HK2: variants seen among roughly 807,000 people sequenced by gnomAD.
HK2 encodes hexokinase-2.
A neutral mutation model predicts 92.9 loss-of-function variants in HK2; 42 were observed. The ratio of observed to expected loss-of-function variants is 0.45; its 90% CI spans 0.35 to 0.58. The LOEUF (loss-of-function observed/expected upper bound fraction) is 0.58. Among genes scored for constraint, HK2 ranks in the 20% least tolerant of loss-of-function variants. HK2 has a pLI of 0.00. For synonymous variants in HK2, 422 were observed against 468.0 expected (o/e 0.90, Z 1.27); for missense variants, 978 against 1,245.1 (o/e 0.79, Z 3.23).
At chr2:74,864,272 G>A (rs1436445928) in intron 2 of HK2, among the ~76,000 whole-genome samples, 2 of 152,176 alleles carry the variant, frequency 1.3e-5, no homozygotes, top group African/African-American at 2.4e-5. Flanking sequence ...TTTGCTGTGC[G>A]TTTATAGCCA....
rs550495652 is a variant in HK2, at chr2:74,862,809, G to T, written c.227-4827G>T. Among the ~76,000 whole-genome samples the T allele has an allele frequency of 7.7e-4, 118 of 152,342 alleles. 1 individual carries two copies. The highest frequency in any genetic ancestry group is 2.6e-3 in the African/African-American group (109 of 41,572). Reference sequence around the variant, plus strand: ...TGCACTGAATCTTGACAAGGTGCGTGTGTGTATGTGTGCGTGTATATGTGT... The same window carrying T: ...TGCACTGAATCTTGACAAGGTGCGTTTGTGTATGTGTGCGTGTATATGTGT... On this transcript the variant is annotated intron_variant, in intron 2 of 17. Coordinates refer to ENST00000290573, the MANE Select transcript of HK2 (RefSeq NM_000189.5).
intron 1 of HK2, among the ~76,000 whole-genome samples, chr2:74,840,904 A>AAAAAAG (rs869156790): frequency 1.8e-5 from 2 of 114,032 alleles, no homozygotes; most frequent in East Asian, 2.8e-4. Flanking sequence ...AAAAAAAAAA[A>AAAAAAG]GCTGTGGGGG....
intron 10 of HK2, among the ~76,000 whole-genome samples, chr2:74,880,855 A>G (rs1261676757): frequency 6.6e-6 from 1 of 152,242 alleles, no homozygotes; most frequent in Non-Finnish European, 1.5e-5. Context: ...AGTTAATTTT[A>G]TGTATTCACC....
intron 2 of HK2, among the ~76,000 whole-genome samples, chr2:74,861,960 T>G (rs1284155276): frequency 6.6e-6 from 1 of 152,208 alleles, no homozygotes; most frequent in Non-Finnish European, 1.5e-5. Flanking sequence ...GAATTGTGAA[T>G]TATGTTCACA....
intron 7 of HK2, among the ~76,000 whole-genome samples, chr2:74,875,317 C>CCTTGCTT (rs1164957297): frequency 6.9e-6 from 1 of 145,688 alleles, no homozygotes; most frequent in East Asian, 2.0e-4. Context: ...CCAGGAGAGT[C>CCTTGCTT]CTTGCTTTCG....
At chr2:74,864,239 A>G (rs938591513) in intron 2 of HK2, among the ~76,000 whole-genome samples, 3 of 152,210 alleles carry the variant, frequency 2.0e-5, no homozygotes, top group Non-Finnish European at 4.4e-5. Context: ...CTTAAGAACG[A>G]AAGAAAGTCC....
At chr2:74,867,993 G>T in intron 3 of HK2, 1 of 577,752 alleles carries the variant, frequency 1.7e-6, no homozygotes. Context: ...GTATTAAAAG[G>T]AGTGACTAGA....
chr2:74,891,992 CT>C lies in HK2; in HGVS notation c.*1052del, dbSNP rs1478925310. The C allele has an allele frequency of 1.3e-5, 2 of 152,652 alleles. No individual in the cohort carries two copies. The highest frequency in any genetic ancestry group is 2.9e-5 in the Non-Finnish European group (2 of 68,064). 9.5% of individuals were successfully genotyped at this position (152,652 alleles called of 1,614,324 possible). ...ATGGCAAAGCGGTTGCTTCTGGCTCCTCCTTCCCCTGTGGTCTTGGAAGTGT... is the reference window on the plus strand; with the variant it reads ...ATGGCAAAGCGGTTGCTTCTGGCTCCCCTTCCCCTGTGGTCTTGGAAGTGT... On this transcript the variant is annotated 3_prime_UTR_variant, in exon 18 of 18. Transcript: ENST00000290573.
At chr2:74,868,008 A>G (rs1435594503) in intron 3 of HK2, 3 of 537,830 alleles carry the variant, frequency 5.6e-6, no homozygotes, top group Admixed American at 2.7e-5. Context: ...ACTAGAGAAG[A>G]AGCATGAAAT....
intron 8 of HK2, among the ~76,000 whole-genome samples, chr2:74,877,918 G>A (rs1689274068): frequency 6.6e-6 from 1 of 152,186 alleles, no homozygotes; most frequent in Admixed American, 6.5e-5. Flanking sequence ...CTTGTAGATT[G>A]AAGAAGTCCT....
intron 1 of HK2, among the ~76,000 whole-genome samples, chr2:74,844,558 G>A (rs190381722): frequency 1.3e-5 from 2 of 152,314 alleles, no homozygotes; most frequent in East Asian, 3.9e-4. Context: ...GGTGGATGGG[G>A]CAGACTGGGA....
chr2:74,880,720 C>T (rs1558803356), intron 10 of HK2, 151 bp downstream of exon 10: 1 of 806,628 alleles, frequency 1.2e-6, no homozygotes, highest in East Asian at 2.7e-5. Flanking sequence ...CTTTGATAAA[C>T]TCAAACAAGG....
Position 74,867,802 on chromosome 2 carries a change from G to A in HK2, c.375+18G>A, listed in dbSNP as rs1375756438. 1.2e-6 allele frequency: 2 copies of A among 1,613,806 alleles called. No individual in the cohort carries two copies. The highest frequency in any genetic ancestry group is 2.7e-5 in the African/African-American group (2 of 74,908). ...GCACCCAGGTATGACCCTTCTCTCA[G>A]GGCAGCCCCTGGTGACAAAAAACTT... is the stretch of plus-strand genomic sequence containing the variant. On this transcript the variant is annotated intron_variant, in intron 3 of 17. Coordinates refer to ENST00000290573, the MANE Select transcript of HK2 (RefSeq NM_000189.5).
intron 10 of HK2, 105 bp downstream of exon 10, chr2:74,880,674 C>A (rs1211835490): frequency 2.6e-6 from 3 of 1,168,578 alleles, no homozygotes; most frequent in African/African-American, 1.5e-5. Context: ...TGAACCAGAA[C>A]ACGTTTCTTC....
chr2:74,837,737 G>A (rs1178721745), intron 1 of HK2, among the ~76,000 whole-genome samples: 4 of 146,298 alleles, frequency 2.7e-5, no homozygotes, highest in Non-Finnish European at 4.5e-5. Flanking sequence ...GTGCAGTGGC[G>A]CTATCTCTGC....
At chr2:74,869,398 A>C (rs1689040588) in intron 3 of HK2, among the ~76,000 whole-genome samples, 1 of 152,120 alleles carries the variant, frequency 6.6e-6, no homozygotes, top group South Asian at 2.1e-4. Flanking sequence ...CTTTTTTGGT[A>C]CTTGGTATCA....
intron 4 of HK2, among the ~76,000 whole-genome samples, chr2:74,872,882 C>T (rs1459166358): frequency 6.6e-6 from 1 of 152,226 alleles, no homozygotes; most frequent in East Asian, 1.9e-4. Context: ...TAGACTACTA[C>T]ACACCTAGGC....
chr2:74,846,759 A>G (rs1486224779), intron 1 of HK2, among the ~76,000 whole-genome samples: 1 of 152,096 alleles, frequency 6.6e-6, no homozygotes, highest in East Asian at 1.9e-4. Flanking sequence ...GCTTCAAATG[A>G]TCCTCCTCAG....
intron 1 of HK2, among the ~76,000 whole-genome samples, 180 bp from the exon 2 acceptor site, chr2:74,854,113 G>T (rs1236412221): frequency 7.3e-5 from 11 of 151,230 alleles, no homozygotes; most frequent in Non-Finnish European, 1.6e-4. Flanking sequence ...TTAATTTTTT[G>T]GTTTTTTTTT....
Sources: gnomAD v4.1 joint callset for allele counts (sites outside exome capture counted in the v4.1 genomes callset) on GRCh38, gnomAD v4.1.1 for gene constraint, MANE v1.5 for transcripts, NCBI Gene and HGNC (gene_info 2026-07-23, HGNC 2026-07-21) for gene names.